The following SCGN variants were observed in gnomAD, a reference collection of about 807,000 sequenced individuals.
SCGN encodes the protein secretagogin.
In SCGN, 30 loss-of-function variants were observed where a neutral mutation model predicts 39.7. That is an observed-to-expected ratio of 0.76 (90% confidence interval 0.57 to 1.03). SCGN has a LOEUF of 1.03. Ranked by LOEUF, SCGN falls within the 50% of genes least tolerant of loss-of-function variation. The pLI is 0.00. For missense variants in SCGN, 353 were observed against 349.4 expected (o/e 1.01, Z -0.08); for synonymous variants, 106 against 114.1 (o/e 0.93, Z 0.45).
intron 10 of SCGN, among the ~76,000 whole-genome samples, chr6:25,700,469 T>C (rs1759897134): frequency 6.6e-6 from 1 of 152,130 alleles, no homozygotes; most frequent in African/African-American, 2.4e-5. Flanking sequence ...TGTTGGACTA[T>C]TCTTGGGCTC....
intron 10 of SCGN, among the ~76,000 whole-genome samples, chr6:25,694,493 C>T (rs1759814216): frequency 6.6e-6 from 1 of 152,182 alleles, no homozygotes; most frequent in Non-Finnish European, 1.5e-5. Flanking sequence ...TTTAGCCTCT[C>T]TGTTTCTGTG....
intron 10 of SCGN, among the ~76,000 whole-genome samples, chr6:25,692,460 C>A (rs1012855777): frequency 1.3e-5 from 2 of 150,474 alleles, no homozygotes; most frequent in African/African-American, 5.0e-5. Context: ...TACCCCACCA[C>A]CCCCCAGAGA....
intron 10 of SCGN, among the ~76,000 whole-genome samples, chr6:25,699,114 A>G (rs1759873916): frequency 6.6e-6 from 1 of 152,174 alleles, no homozygotes; most frequent in Non-Finnish European, 1.5e-5. Context: ...CCCTGAAATC[A>G]AACCTGCGGG....
intron 6 of SCGN, among the ~76,000 whole-genome samples, chr6:25,675,141 G>A (rs1759548153): frequency 6.6e-6 from 1 of 152,206 alleles, no homozygotes; most frequent in Non-Finnish European, 1.5e-5. Context: ...ATTATCTAAC[G>A]TTCTCTGGAG....
At chr6:25,673,948 G>A (rs1202240248) in intron 6 of SCGN, among the ~76,000 whole-genome samples, 1 of 152,174 alleles carries the variant, frequency 6.6e-6, no homozygotes, top group East Asian at 1.9e-4. Flanking sequence ...GCAGGAGCAA[G>A]CACATCACAT....
intron 7 of SCGN, among the ~76,000 whole-genome samples, chr6:25,686,329 C>A (rs948380195): frequency 1.3e-5 from 2 of 152,168 alleles, no homozygotes; most frequent in African/African-American, 4.8e-5. Flanking sequence ...TTTACATTCC[C>A]ACCAACAATG....
At chr6:25,653,865 C>T (rs1300319172) in intron 2 of SCGN, among the ~76,000 whole-genome samples, 1 of 152,180 alleles carries the variant, frequency 6.6e-6, no homozygotes, top group Non-Finnish European at 1.5e-5. Context: ...TGATAGCAAA[C>T]CACAAACCAT....
chr6:25,658,182 G>C (rs1459615168), intron 2 of SCGN, among the ~76,000 whole-genome samples: 1 of 151,174 alleles, frequency 6.6e-6, no homozygotes, highest in African/African-American at 2.4e-5. Flanking sequence ...TGGGACTACA[G>C]GCACGTGCCA....
At chr6:25,701,051 A>C (rs539075001) in intron 10 of SCGN, among the ~76,000 whole-genome samples, 156 bp from the exon 11 acceptor site, 1 of 152,146 alleles carries the variant, frequency 6.6e-6, no homozygotes, top group African/African-American at 2.4e-5. Flanking sequence ...CCTTGGCAGC[A>C]TTTGGTGGGA....
In SCGN at chr6:25,689,088, A is replaced by G. The variant is rs182693232; in HGVS notation, c.528-84A>G. Reference sequence around the variant, plus strand: ...TTCTGTTCTGCAGGAAATTGCCTGTACTTTCCACACACCAGGGCTATAAGT... The same window carrying G: ...TTCTGTTCTGCAGGAAATTGCCTGTGCTTTCCACACACCAGGGCTATAAGT... On this transcript the variant is annotated intron_variant, in intron 7 of 10. Coordinates refer to ENST00000377961, the MANE Select transcript of SCGN (RefSeq NM_006998.4). 219 of 881,030 alleles carry G rather than the reference A, an allele frequency of 2.5e-4. No homozygotes were observed. The East Asian group carries it at 5.0e-3, about 20-fold the overall frequency. The allele number at this position is 881,030 out of a possible 1,614,324, so 54.6% of individuals were successfully genotyped here. A position where few individuals can be genotyped will look rare whatever the true frequency, so the allele number is the denominator to read the frequency against.
chr6:25,653,381 GA>G lies in SCGN; in HGVS notation c.87del (p.Gly30ValfsTer3). 6.3e-7 allele frequency: 1 copy of G among 1,592,904 alleles called. No individual in the cohort carries two copies. The highest frequency in any genetic ancestry group is 8.6e-7 in the Non-Finnish European group (1 of 1,166,474). ...WQVWQRFDADEKGYIEEKELD... is the reference protein window; with the variant it reads ...WQVWQRFDADXKGYIEEKELD... ...ATTTATGTTTATTTTCTCACATTTA[GA>G]AAAAGGTTACATAGAAGAGAAGGAA... On this transcript the variant is annotated frameshift_variant and splice_region_variant, in exon 2 of 11. Transcript: ENST00000377961. LOFTEE classifies it high-confidence loss of function.
chr6:25,664,888 T>A (rs1052459998), intron 3 of SCGN, 55 bp from the exon 4 acceptor site: 1 of 1,389,342 alleles, frequency 7.2e-7, no homozygotes, highest in East Asian at 2.3e-5. Flanking sequence ...CAGGGAGCAC[T>A]CTTGAAATGG....
At chr6:25,654,245 T>G (rs1582568247) in intron 2 of SCGN, among the ~76,000 whole-genome samples, 1 of 152,270 alleles carries the variant, frequency 6.6e-6, no homozygotes, top group East Asian at 1.9e-4. Flanking sequence ...AGAATAGAAG[T>G]GCATCACATT....
rs534559949 is a variant in SCGN, at chr6:25,662,733, CT to C, written c.246+1093del. Among the ~76,000 whole-genome samples the C allele has an allele frequency of 2.1e-3, 315 of 152,302 alleles. 2 individuals are homozygous for C. Among genetic ancestry groups the C allele is most frequent in the African/African-American group, 7.4e-3 (308 of 41,572 alleles). ...ATTTATGAGTGTAGCTGTTTCCAAA[CT>C]TTTAATCAAAGGCAAAATTGTATAT... On this transcript the variant is annotated intron_variant, in intron 3 of 10. Coordinates refer to ENST00000377961, the MANE Select transcript of SCGN (RefSeq NM_006998.4).
At position 25,701,675 on chromosome 6, in the gene SCGN, G is replaced by A. The variant is rs10105; in HGVS notation, c.*340G>A. The A allele has an allele frequency of 0.27, 49,291 of 183,544 alleles. 6,991 individuals are homozygous for A. The highest frequency in any genetic ancestry group is 0.34 in the African/African-American group (14,451 of 42,642). 11.4% of individuals were successfully genotyped at this position (183,544 alleles called of 1,614,324 possible). The stretch of plus-strand genomic sequence containing the variant: ...AGTGCATTCATTTTGTGCTTTTCTT[G>A]TGGGCTTTCTGCTTAGTCTGAAAGG... On this transcript the variant is annotated 3_prime_UTR_variant, in exon 11 of 11. Transcript: ENST00000377961.
chr6:25,676,095 C>T (rs1289377056), intron 6 of SCGN, among the ~76,000 whole-genome samples: 1 of 152,194 alleles, frequency 6.6e-6, no homozygotes, highest in Non-Finnish European at 1.5e-5. Flanking sequence ...ATCTTTGATG[C>T]CTCTTTCTCT....
At chr6:25,692,817 C>T (rs1249088204) in intron 10 of SCGN, among the ~76,000 whole-genome samples, 1 of 152,172 alleles carries the variant, frequency 6.6e-6, no homozygotes, top group African/African-American at 2.4e-5. Context: ...TGCTGCTCCT[C>T]CTCTTTGGTA....
intron 7 of SCGN, among the ~76,000 whole-genome samples, chr6:25,682,537 C>A (rs9467564): frequency 6.6e-6 from 1 of 152,122 alleles, no homozygotes; most frequent in Non-Finnish European, 1.5e-5. Flanking sequence ...TGTTGTGACA[C>A]GTGATTGGTG....
At chr6:25,699,055 C>A (rs9467570) in intron 10 of SCGN, among the ~76,000 whole-genome samples, 38,506 of 151,892 alleles carry the variant, frequency 0.25, 5,303 homozygotes, top group Middle Eastern at 0.33. Flanking sequence ...TTTTTGGAAG[C>A]AAGAAAACCT....
Sources: gnomAD v4.1 joint callset for allele counts (sites outside exome capture counted in the v4.1 genomes callset) on GRCh38, gnomAD v4.1.1 for gene constraint, MANE v1.5 for transcripts, NCBI Gene and HGNC (gene_info 2026-07-23, HGNC 2026-07-21) for gene names.